Variants in ANO3 observed in about 807,000 individuals in gnomAD.
The protein encoded by ANO3 is anoctamin-3.
A neutral mutation model predicts 144.8 loss-of-function variants in ANO3; 99 were observed. The ratio of observed to expected loss-of-function variants is 0.68; its 90% CI spans 0.58 to 0.81. ANO3 has a LOEUF of 0.81. Ranked by LOEUF, ANO3 falls within the 30% of genes least tolerant of loss-of-function variation. ANO3 has a pLI of 0.00. For synonymous variants in ANO3, 414 were observed against 392.6 expected, an observed-to-expected ratio of 1.05 and a Z score of -0.64; for missense variants, 905 against 1,202.2, an observed-to-expected ratio of 0.75 and a Z score of 3.66.
intron 1 of ANO3, among the ~76,000 whole-genome samples, chr11:26,337,721 G>A (rs1855229729): frequency 6.6e-6 from 1 of 152,232 alleles, no homozygotes; most frequent in Non-Finnish European, 1.5e-5. Flanking sequence ...GATCACTTGA[G>A]GACAGTAGTT....
intron 1 of ANO3, among the ~76,000 whole-genome samples, chr11:26,344,882 A>G (rs926039498): frequency 2.6e-5 from 4 of 152,212 alleles, no homozygotes; most frequent in African/African-American, 9.6e-5. Context: ...GCATTACTCT[A>G]GAGTTTAAAT....
At chr11:26,656,885 A>G (rs1224144363) in intron 26 of ANO3, among the ~76,000 whole-genome samples, 1 of 152,068 alleles carries the variant, frequency 6.6e-6, no homozygotes, top group Admixed American at 6.6e-5. Context: ...TTGATCACTT[A>G]TATATTTGTG....
At chr11:26,465,187 T>C (rs1859556874) in intron 4 of ANO3, among the ~76,000 whole-genome samples, 1 of 151,154 alleles carries the variant, frequency 6.6e-6, no homozygotes, top group Admixed American at 6.6e-5. Context: ...AGCATATATA[T>C]TTTCAGTTAG....
chr11:26,443,842 T>C lies in ANO3; in HGVS notation c.313+6T>C. ...CCTCAGCGATTTTTGTTTGGGTAAG[T>C]TGATAATCAGTATTTACCTACTCCT... On this transcript the variant is annotated splice_donor_region_variant and intron_variant, in intron 3 of 26. Transcript: ENST00000256737. 1 of 1,605,940 alleles carries C rather than the reference T, an allele frequency of 6.2e-7. No homozygotes were observed.
intron 10 of ANO3, among the ~76,000 whole-genome samples, chr11:26,540,936 C>T (rs1426289959): frequency 6.6e-6 from 1 of 152,086 alleles, no homozygotes; most frequent in African/African-American, 2.4e-5. Context: ...CCCAGCAATC[C>T]TATTACTGGG....
At chr11:26,260,047 C>CTTT (rs768969943) in intron 1 of ANO3, among the ~76,000 whole-genome samples, 26 of 129,772 alleles carry the variant, frequency 2.0e-4, no homozygotes, top group African/African-American at 7.1e-4. Context: ...TTTTAAAGTG[C>CTTT]TTTTTTTTTT....
chr11:26,601,268 C>T (rs887405111), intron 17 of ANO3, among the ~76,000 whole-genome samples: 2 of 152,106 alleles, frequency 1.3e-5, no homozygotes, highest in African/African-American at 2.4e-5. Flanking sequence ...GATTGATACT[C>T]ATGTTACTTG....
intron 11 of ANO3, among the ~76,000 whole-genome samples, chr11:26,544,249 T>TAC (rs746053289): frequency 0.14 from 6,895 of 49,516 alleles, 1,045 homozygotes; most frequent in East Asian, 0.4. Context: ...TATTTCATTA[T>TAC]ACATATATAT....
intron 1 of ANO3, among the ~76,000 whole-genome samples, chr11:26,232,222 T>C (rs1852415617): frequency 6.6e-6 from 1 of 152,120 alleles, no homozygotes; most frequent in Non-Finnish European, 1.5e-5. Context: ...TATGAACCCA[T>C]GAGGGTTAAA....
intron 1 of ANO3, among the ~76,000 whole-genome samples, chr11:26,352,405 G>A (rs1855671449): frequency 6.6e-6 from 1 of 152,032 alleles, no homozygotes; most frequent in African/African-American, 2.4e-5. Flanking sequence ...TTATTTTGTA[G>A]GGTCTAGATT....
intron 1 of ANO3, among the ~76,000 whole-genome samples, chr11:26,205,059 C>A (rs1170780329): frequency 6.6e-6 from 1 of 152,092 alleles, no homozygotes; most frequent in African/African-American, 2.4e-5. Flanking sequence ...AAGTACCAAG[C>A]AAAGGGGGAA....
intron 1 of ANO3, among the ~76,000 whole-genome samples, chr11:26,190,742 C>T (rs779338949): frequency 7.2e-5 from 11 of 152,142 alleles, no homozygotes; most frequent in Non-Finnish European, 1.6e-4. Flanking sequence ...TCTTTATACA[C>T]ATCTATAGTG....
intron 3 of ANO3, among the ~76,000 whole-genome samples, chr11:26,454,131 T>C (rs1002931477): frequency 6.6e-6 from 1 of 151,224 alleles, no homozygotes; most frequent in Non-Finnish European, 1.5e-5. Context: ...GCAGGAAAGA[T>C]CCAAAATTGA....
upstream of ANO3, among the ~76,000 whole-genome samples, chr11:26,308,190 A>G (rs528941507): frequency 6.6e-6 from 1 of 152,344 alleles, no homozygotes; most frequent in Admixed American, 6.5e-5. Flanking sequence ...GTGTTAGACA[A>G]GAAAAAACAA....
At position 26,380,823 on chromosome 11, in the gene ANO3, A is replaced by T. The variant is rs796330315; in HGVS notation, c.46+48502A>T. 9.2e-5 allele frequency among the ~76,000 whole-genome samples: 14 copies of T among 152,220 alleles called. 1 individual carries two copies. Among genetic ancestry groups the T allele is most frequent in the African/African-American group, 3.4e-4 (14 of 41,536 alleles). Reference sequence around the variant, plus strand: ...ATGGTGAAACCCCGTCTCTACTAAAAATACAAAAATTAGCCGGTTGTGGTG... The same window carrying T: ...ATGGTGAAACCCCGTCTCTACTAAATATACAAAAATTAGCCGGTTGTGGTG... On this transcript the variant is annotated intron_variant, in intron 1 of 26. Transcript: ENST00000256737.
intron 1 of ANO3, among the ~76,000 whole-genome samples, chr11:26,344,037 A>C (rs983599797): frequency 2.0e-5 from 3 of 152,204 alleles, no homozygotes; most frequent in African/African-American, 4.8e-5. Flanking sequence ...ACGTACCTTT[A>C]AGTTTCAGAA....
chr11:26,591,965 G>T (rs1851466285), intron 14 of ANO3, among the ~76,000 whole-genome samples: 1 of 152,194 alleles, frequency 6.6e-6, no homozygotes, highest in African/African-American at 2.4e-5. Context: ...TGTATCTAGG[G>T]ATGGGGAACT....
chr11:26,405,450 A>G (rs1366064797), intron 1 of ANO3, among the ~76,000 whole-genome samples: 1 of 151,830 alleles, frequency 6.6e-6, no homozygotes, highest in East Asian at 1.9e-4. Flanking sequence ...TTTTCCTGAC[A>G]AAACCCAGTA....
In ANO3 at chr11:26,537,296, G is replaced by T; in HGVS notation, c.977-110G>T. On this transcript the variant is annotated intron_variant, in intron 9 of 26. Coordinates refer to ENST00000256737, the MANE Select transcript of ANO3 (RefSeq NM_031418.4). ...TGATGTGGCTATGGAAGTCATTTGG[G>T]TTATCTTAAACTTTTTAATCGATTC... 4 of 890,620 alleles carry T rather than the reference G, an allele frequency of 4.5e-6. No individual in the cohort carries two copies. The South Asian group carries it at 5.5e-5, about 12-fold the overall frequency. 55.2% of individuals were successfully genotyped at this position (890,620 alleles called of 1,614,324 possible). A position where few individuals can be genotyped will look rare whatever the true frequency, so the allele number is the denominator to read the frequency against.
Sources: gnomAD v4.1 joint callset for allele counts (sites outside exome capture counted in the v4.1 genomes callset) on GRCh38, gnomAD v4.1.1 for gene constraint, MANE v1.5 for transcripts, NCBI Gene and HGNC (gene_info 2026-07-23, HGNC 2026-07-21) for gene names.